UBAP2: variants seen among roughly 807,000 people sequenced by gnomAD.
UBAP2 encodes the protein ubiquitin-associated protein 2.
A neutral mutation model predicts 139.6 loss-of-function variants in UBAP2; 75 were observed. The observed-to-expected ratio is 0.54, with a 90% CI of 0.45 to 0.65. The LOEUF is 0.65. UBAP2 is among the 30% of genes least tolerant of loss of function. The pLI, the probability that UBAP2 is intolerant of heterozygous loss-of-function variation, is 0.00. For missense variants in UBAP2, 1,368 were observed against 1,369.6 expected (o/e 1.00, Z 0.02); for synonymous variants, 526 against 526.2 (o/e 1.00, Z 0.01).
At chr9:34,026,482 A>G (rs1191698065) in intron 1 of UBAP2, among the ~76,000 whole-genome samples, 1 of 152,214 alleles carries the variant, frequency 6.6e-6, no homozygotes. Context: ...AGTCTTCATC[A>G]AGAATGTCCA....
chr9:33,962,976 T>A (rs1365653451), intron 9 of UBAP2, among the ~76,000 whole-genome samples: 1 of 151,130 alleles, frequency 6.6e-6, no homozygotes, highest in African/African-American at 2.4e-5. Flanking sequence ...CAAAACTCCA[T>A]CTCAAAAAAA....
chr9:33,983,401 C>T (rs775095920), intron 6 of UBAP2, among the ~76,000 whole-genome samples: 1 of 152,164 alleles, frequency 6.6e-6, no homozygotes, highest in Non-Finnish European at 1.5e-5. Flanking sequence ...CCAGCAGAAG[C>T]ATGTGAGAGA....
rs914903895 is a variant in UBAP2, at chr9:33,962,360, A to T, written c.745+1366T>A. ...AATTCAGGAGACATATTAAAAGTTT[A>T]AAAAAGGCTGGGCATGGTGGCTCAT... On this transcript the variant is annotated intron_variant, in intron 9 of 28. Transcript: ENST00000379238. Among the ~76,000 whole-genome samples the T allele has an allele frequency of 2.3e-4, 35 of 152,176 alleles. 4 individuals carry two copies. The highest frequency in any genetic ancestry group is 4.4e-5 in the Non-Finnish European group (3 of 68,030).
chr9:33,990,655 A>G (rs1387453577), intron 4 of UBAP2, among the ~76,000 whole-genome samples: 1 of 12,160 alleles, frequency 8.2e-5, no homozygotes, highest in African/African-American at 2.4e-4. Flanking sequence ...TTTTTTTTTG[A>G]GACAGAGTCT....
intron 5 of UBAP2, among the ~76,000 whole-genome samples, chr9:33,988,510 C>T (rs1821401431): frequency 6.6e-6 from 1 of 152,178 alleles, no homozygotes; most frequent in Non-Finnish European, 1.5e-5. Context: ...TTAATCTAAC[C>T]CTTGTCTATA....
At chr9:34,018,273 T>C (rs1483457497) in intron 1 of UBAP2, among the ~76,000 whole-genome samples, 2 of 148,234 alleles carry the variant, frequency 1.3e-5, no homozygotes, top group Non-Finnish European at 1.5e-5. Context: ...AATTTTCCGA[T>C]AAAGACCAGA....
chr9:34,009,894 G>A (rs1238027511), intron 2 of UBAP2, among the ~76,000 whole-genome samples: 7 of 143,206 alleles, frequency 4.9e-5, no homozygotes, highest in South Asian at 2.2e-4. Flanking sequence ...CGCAACTTCC[G>A]CCTCCTGGGT....
At chr9:33,933,355 A>T in intron 18 of UBAP2, 135 bp downstream of exon 18, 1 of 1,051,958 alleles carries the variant, frequency 9.5e-7, no homozygotes, top group Non-Finnish European at 1.3e-6. Context: ...AACCTAAGCT[A>T]CAGTCGTAAT....
chr9:34,022,993 G>A (rs12552289), intron 1 of UBAP2, among the ~76,000 whole-genome samples: 1 of 152,008 alleles, frequency 6.6e-6, no homozygotes, highest in African/African-American at 2.4e-5. Flanking sequence ...TTGGGAGGCC[G>A]AGGCAGGCGG....
intron 1 of UBAP2, among the ~76,000 whole-genome samples, chr9:34,022,540 A>T (rs1825052105): frequency 6.9e-6 from 1 of 144,752 alleles, no homozygotes; most frequent in Non-Finnish European, 1.5e-5. Context: ...GGTTCAAGTG[A>T]TTCTCCCACC....
intron 10 of UBAP2, among the ~76,000 whole-genome samples, chr9:33,958,046 C>T (rs1446912172): frequency 6.6e-6 from 1 of 152,070 alleles, no homozygotes; most frequent in African/African-American, 2.4e-5. Context: ...GCTACAAACT[C>T]AACCTCCCAG....
intron 1 of UBAP2, among the ~76,000 whole-genome samples, chr9:34,038,726 A>G (rs1205592251): frequency 2.0e-5 from 3 of 147,940 alleles, no homozygotes; most frequent in East Asian, 2.1e-4. Flanking sequence ...AGTGAGGAGC[A>G]TCTCTGCCTG....
chr9:33,955,523 A>G (rs1361999251), intron 11 of UBAP2, among the ~76,000 whole-genome samples: 1 of 151,498 alleles, frequency 6.6e-6, no homozygotes, highest in African/African-American at 2.4e-5. Flanking sequence ...CCGTCTCAAA[A>G]AAACAAAACA....
At position 33,943,405 on chromosome 9, in the gene UBAP2, G is replaced by A. The variant is rs748844619; in HGVS notation, c.1715+15C>T. 10 of 1,613,316 alleles carry A rather than the reference G, an allele frequency of 6.2e-6. No individual in the cohort carries two copies. Among genetic ancestry groups the A allele is most frequent in the Non-Finnish European group, 8.5e-6 (10 of 1,179,606 alleles). On this transcript the variant is annotated intron_variant, in intron 15 of 28. Coordinates refer to ENST00000379238, the MANE Select transcript of UBAP2 (RefSeq NM_001370062.2). ...GGGTCTATTTTGCTTCATAACAAAG[G>A]ACTAAATTCAGTACCTTAAAGACTT...
At chr9:33,951,595 C>T (rs1449854056) in intron 12 of UBAP2, among the ~76,000 whole-genome samples, 1 of 151,990 alleles carries the variant, frequency 6.6e-6, no homozygotes, top group African/African-American at 2.4e-5. Context: ...GATCCACCCA[C>T]CTCGGCCTCC....
At position 33,923,914 on chromosome 9, in the gene UBAP2, T is replaced by A; in HGVS notation, c.2677A>T (p.Thr893Ser). 6.2e-7 allele frequency: 1 copy of A among 1,614,090 alleles called. No individual in the cohort carries two copies. Among genetic ancestry groups the A allele is most frequent in the South Asian group, 1.1e-5 (1 of 91,074 alleles). Residue 893 changes from threonine (T) to serine (S), a missense_variant, in exon 24 of 29, where the codon ACC becomes TCC. Thr to Ser is a moderately conservative substitution (Grantham distance 58). Transcript: ENST00000379238. ...AAGGGCTGCTGGGCTGTGTGGTGGG[T>A]CTGTGATTGGCTCTGCTGTGGCTGA... is the stretch of plus-strand genomic sequence containing the variant. ...PAQPQQSQSQ[T>S]HHTAQQPFVN... is the part of the protein sequence containing the mutation.
At chr9:33,963,546 A>T (rs1214613435) in intron 9 of UBAP2, among the ~76,000 whole-genome samples, 180 bp downstream of exon 9, 1 of 152,238 alleles carries the variant, frequency 6.6e-6, no homozygotes, top group African/African-American at 2.4e-5. Flanking sequence ...GCACCTTGAA[A>T]GTCAATCAAT....
chr9:33,940,316 G>C (rs1326443990), intron 16 of UBAP2, among the ~76,000 whole-genome samples: 1 of 152,102 alleles, frequency 6.6e-6, no homozygotes, highest in Non-Finnish European at 1.5e-5. Context: ...CCTAGGAGGG[G>C]TTCTTGTGGG....
chr9:33,939,783 A>G (rs1258374228), intron 16 of UBAP2, among the ~76,000 whole-genome samples: 1 of 14,736 alleles, frequency 6.8e-5, no homozygotes, highest in African/African-American at 2.9e-4. Context: ...GAAGGGGAGG[A>G]GGAAGGGGAG....
Sources: allele counts gnomAD v4.1 joint callset (sites outside exome capture counted in the v4.1 genomes callset), GRCh38; gene constraint gnomAD v4.1.1; transcripts MANE v1.5; gene names NCBI Gene and HGNC (gene_info 2026-07-23, HGNC 2026-07-21).